EPB41L4A: variants seen among roughly 807,000 people sequenced by gnomAD.
EPB41L4A encodes the protein band 4.1-like protein 4A.
In EPB41L4A, 100 loss-of-function variants were observed where a neutral mutation model predicts 108.6. That is an observed-to-expected ratio of 0.92 (90% confidence interval 0.78 to 1.09). The LOEUF is 1.09. EPB41L4A is among the 50% of genes least tolerant of loss of function. The pLI is 0.00. For synonymous variants in EPB41L4A, 319 were observed against 289.0 expected (o/e 1.10, Z -1.05); for missense variants, 1,030 against 842.7 (o/e 1.22, Z -2.75).
intron 9 of EPB41L4A, among the ~76,000 whole-genome samples, chr5:112,258,099 C>CA (rs1751237646): frequency 6.6e-6 from 1 of 152,202 alleles, no homozygotes; most frequent in Non-Finnish European, 1.5e-5. Flanking sequence ...AAACTCATTT[C>CA]AAAATCCAGT....
intron 3 of EPB41L4A, among the ~76,000 whole-genome samples, chr5:112,277,797 A>G (rs776078448): frequency 6.6e-6 from 1 of 152,240 alleles, no homozygotes; most frequent in African/African-American, 2.4e-5. Flanking sequence ...GTCTAGCCAG[A>G]TATTTTTTGG....
chr5:112,348,196 C>A (rs190893526), intron 1 of EPB41L4A, among the ~76,000 whole-genome samples: 1 of 152,262 alleles, frequency 6.6e-6, no homozygotes, highest in Admixed American at 6.5e-5. Flanking sequence ...AGTCCGTACC[C>A]AGCTTTCAAA....
chr5:112,418,117 T>C (rs1010268221), intron 1 of EPB41L4A, among the ~76,000 whole-genome samples: 1 of 152,078 alleles, frequency 6.6e-6, no homozygotes, highest in African/African-American at 2.4e-5. Context: ...GATCTAAAAC[T>C]GAAAGAGAAA....
chr5:112,280,184 A>T (rs1752876186), intron 3 of EPB41L4A, 88 bp downstream of exon 3: 4 of 1,126,378 alleles, frequency 3.6e-6, no homozygotes, highest in Admixed American at 3.4e-5. Flanking sequence ...TTTCTCCAGT[A>T]CTAAAGCCCA....
At chr5:112,185,667 A>G (rs1270455078) in intron 17 of EPB41L4A, among the ~76,000 whole-genome samples, 1 of 152,212 alleles carries the variant, frequency 6.6e-6, no homozygotes, top group Non-Finnish European at 1.5e-5. Flanking sequence ...TAAGAGCATA[A>G]TTCTTTCTCT....
intron 13 of EPB41L4A, among the ~76,000 whole-genome samples, chr5:112,208,014 A>G (rs13153927): frequency 0.35 from 52,914 of 151,930 alleles, 9,609 homozygotes; most frequent in South Asian, 0.51. Flanking sequence ...TTGGGATGCC[A>G]AGGCAGGCGG....
At chr5:112,276,027 AC>A (rs1752612610) in intron 3 of EPB41L4A, among the ~76,000 whole-genome samples, 1 of 152,218 alleles carries the variant, frequency 6.6e-6, no homozygotes, top group Admixed American at 6.5e-5. Flanking sequence ...AAAAAAAATT[AC>A]TAAATGGCAA....
At position 112,263,772 on chromosome 5, in the gene EPB41L4A, T is replaced by A. The variant is rs1315178943; in HGVS notation, c.554+1124A>T. The A allele has an allele frequency of 2.0e-5, 3 of 152,340 alleles. No individual in the cohort carries two copies. In the East Asian group the frequency reaches 5.8e-4, roughly 29 times the overall value. The allele number at this position is 152,340 out of a possible 1,614,324, so 9.4% of individuals were successfully genotyped here. On this transcript the variant is annotated intron_variant, in intron 6 of 22. Coordinates refer to ENST00000261486, the MANE Select transcript of EPB41L4A (RefSeq NM_022140.5). ...TCTACACTCACTGAAACGGATCCTT[T>A]AGGCAAACATTTTTTTGTGACCAGA...
chr5:112,345,681 G>GT (rs1265626719), intron 1 of EPB41L4A, among the ~76,000 whole-genome samples: 1 of 151,878 alleles, frequency 6.6e-6, no homozygotes, highest in Non-Finnish European at 1.5e-5. Context: ...GGGAGGGCAT[G>GT]TGTGTGTACG....
chr5:112,330,655 A>C (rs1209646278), intron 1 of EPB41L4A, among the ~76,000 whole-genome samples: 1 of 152,100 alleles, frequency 6.6e-6, no homozygotes, highest in East Asian at 1.9e-4. Flanking sequence ...CAGAAGACGC[A>C]GAATTTGAAC....
intron 1 of EPB41L4A, among the ~76,000 whole-genome samples, chr5:112,387,348 T>C (rs1561632075): frequency 6.6e-6 from 1 of 152,186 alleles, no homozygotes; most frequent in East Asian, 1.9e-4. Flanking sequence ...TGGAATGGGT[T>C]GGGCACGGTG....
chr5:112,145,058 G>A (rs2112783971), intron 13 of EPB41L4A, among the ~76,000 whole-genome samples: 1 of 152,358 alleles, frequency 6.6e-6, no homozygotes, highest in South Asian at 2.1e-4. Context: ...GGGAGGCCGA[G>A]GTGGGCGTAT....
intron 18 of EPB41L4A, among the ~76,000 whole-genome samples, chr5:112,183,065 G>A (rs1580383761): frequency 6.6e-6 from 1 of 152,122 alleles, no homozygotes; most frequent in Admixed American, 6.5e-5. Context: ...AGACTGAGAA[G>A]TGTCCCTTAG....
intron 1 of EPB41L4A, among the ~76,000 whole-genome samples, chr5:112,311,607 T>G (rs867270469): frequency 3.1e-4 from 47 of 152,256 alleles, no homozygotes; most frequent in Middle Eastern, 3.4e-3. Flanking sequence ...TCCAATTGTT[T>G]CCCATTTGCC....
intron 9 of EPB41L4A, among the ~76,000 whole-genome samples, chr5:112,258,541 G>C (rs1476059790): frequency 6.6e-6 from 1 of 152,124 alleles, no homozygotes; most frequent in Non-Finnish European, 1.5e-5. Context: ...ATAATATGTG[G>C]TTTACACTAG....
At chr5:112,371,485 G>A (rs188275107) in intron 1 of EPB41L4A, among the ~76,000 whole-genome samples, 11 of 152,156 alleles carry the variant, frequency 7.2e-5, no homozygotes, top group East Asian at 1.9e-4. Context: ...ACTTCCCTCC[G>A]TTCCTCAGAG....
chr5:112,260,004 A>C (rs769175689), intron 7 of EPB41L4A, 25 bp from the exon 8 acceptor site: 2 of 1,466,356 alleles, frequency 1.4e-6, no homozygotes, highest in Admixed American at 1.7e-5. Context: ...ATATGCCTAT[A>C]ACCACATATT....
intron 15 of EPB41L4A, among the ~76,000 whole-genome samples, chr5:112,203,031 A>AC (rs1301886512): frequency 6.6e-6 from 1 of 151,762 alleles, no homozygotes; most frequent in Non-Finnish European, 1.5e-5. Context: ...AACAAGTGAG[A>AC]CCCCATCTCT....
intron 1 of EPB41L4A, among the ~76,000 whole-genome samples, chr5:112,369,594 T>C (rs1294506880): frequency 1.3e-5 from 2 of 152,210 alleles, no homozygotes; most frequent in Non-Finnish European, 2.9e-5. Flanking sequence ...GTTATTTTTT[T>C]AATTGACTTA....
Sources: allele counts gnomAD v4.1 joint callset (sites outside exome capture counted in the v4.1 genomes callset), GRCh38; gene constraint gnomAD v4.1.1; transcripts MANE v1.5; gene names NCBI Gene and HGNC (gene_info 2026-07-23, HGNC 2026-07-21).